ABCC8: variants seen among roughly 807,000 people sequenced by gnomAD.
ABCC8 encodes ATP-binding cassette sub-family C member 8.
ABCC8 carries 137 observed loss-of-function variants against 188.0 expected under a neutral mutation model. The observed-to-expected ratio is 0.73, with a 90% CI of 0.63 to 0.84. ABCC8 has a LOEUF of 0.84. Ranked by LOEUF, ABCC8 falls within the 40% of genes least tolerant of loss-of-function variation. The pLI, the probability that ABCC8 is intolerant of heterozygous loss-of-function variation, is 0.00. For missense variants in ABCC8, 1,750 were observed against 2,072.7 expected, an observed-to-expected ratio of 0.84 and a Z score of 3.02; for synonymous variants, 797 against 846.5, an observed-to-expected ratio of 0.94 and a Z score of 1.01.
chr11:17,397,867 C>A, intron 30 of ABCC8, 70 bp from the exon 31 acceptor site: 1 of 1,581,118 alleles, frequency 6.3e-7, no homozygotes, highest in Non-Finnish European at 8.6e-7. Flanking sequence ...TACCTCACTC[C>A]TTTTCGGGGC....
At chr11:17,469,707 A>G (rs1432782317) in intron 3 of ABCC8, among the ~76,000 whole-genome samples, 1 of 152,124 alleles carries the variant, frequency 6.6e-6, no homozygotes, top group Non-Finnish European at 1.5e-5. Flanking sequence ...CCACAGTGAC[A>G]TCTTTGCCAA....
At chr11:17,412,037 C>T (rs753020761) in intron 21 of ABCC8, among the ~76,000 whole-genome samples, 2 of 151,838 alleles carry the variant, frequency 1.3e-5, no homozygotes, top group African/African-American at 2.4e-5. Flanking sequence ...GGACTACAGG[C>T]GCCCGCCACC....
intron 2 of ABCC8, among the ~76,000 whole-genome samples, chr11:17,470,885 G>A (rs1848442688): frequency 6.6e-6 from 1 of 152,164 alleles, no homozygotes; most frequent in African/African-American, 2.4e-5. Flanking sequence ...GGCAGCCAGA[G>A]CCTCCTTCCA....
At chr11:17,473,991 C>T (rs1479589928) in intron 2 of ABCC8, among the ~76,000 whole-genome samples, 10 of 152,172 alleles carry the variant, frequency 6.6e-5, no homozygotes, top group Admixed American at 6.5e-4. Context: ...GCTCCCTAGC[C>T]CTACCTGCTT....
At chr11:17,456,400 C>T (rs1005820351) in intron 6 of ABCC8, among the ~76,000 whole-genome samples, 4 of 152,118 alleles carry the variant, frequency 2.6e-5, no homozygotes, top group African/African-American at 7.2e-5. Context: ...CCAGCACTCC[C>T]GACTCTACAG....
intron 12 of ABCC8, chr11:17,430,198 C>T (rs1383120438): frequency 6.2e-6 from 1 of 162,016 alleles, no homozygotes; most frequent in Non-Finnish European, 1.4e-5. Flanking sequence ...AAGCCTCAGC[C>T]TTCTACCTTC....
chr11:17,454,893 G>A (rs1956937874), intron 6 of ABCC8, among the ~76,000 whole-genome samples: 1 of 152,082 alleles, frequency 6.6e-6, no homozygotes, highest in African/African-American at 2.4e-5. Flanking sequence ...TGTGACTTGT[G>A]GGGGATGGAA....
chr11:17,392,607 T>C, downstream of ABCC8: 1 of 358,218 alleles, frequency 2.8e-6, no homozygotes, highest in Non-Finnish European at 5.4e-6. Flanking sequence ...AAGGCAGCCC[T>C]CTGCAAGCCA....
rs1954769855 is a variant in ABCC8 at position 17,410,732 on chromosome 11, T to C, written c.2557-79A>G. On this transcript the variant is annotated intron_variant, in intron 21 of 38. Coordinates refer to ENST00000389817, the MANE Select transcript of ABCC8 (RefSeq NM_000352.6). ...GGGGTGACAATGAGTATAAAACCCA[T>C]TAGAGTTCTATCAACTCTGCTCTAG... 1.9e-6 allele frequency: 3 copies of C among 1,592,366 alleles called. No homozygotes were observed. In the African/African-American group the frequency reaches 4.0e-5, roughly 21 times the overall value.
intron 10 of ABCC8, among the ~76,000 whole-genome samples, chr11:17,436,636 T>C (rs952033676): frequency 2.0e-5 from 3 of 152,236 alleles, no homozygotes; most frequent in East Asian, 3.8e-4. Flanking sequence ...AAGTGGATTA[T>C]AAAACCTTCT....
intron 28 of ABCC8, among the ~76,000 whole-genome samples, chr11:17,403,163 A>G (rs1306122634): frequency 6.6e-6 from 1 of 152,042 alleles, no homozygotes; most frequent in African/African-American, 2.4e-5. Context: ...AAAGCGTTCA[A>G]CCCCGTCTTC....
At position 17,437,091 on chromosome 11, in the gene ABCC8, CAAAAAAAAAAAAAA is replaced by C. The variant is rs71047551; in HGVS notation, c.1631-4861_1631-4848del. ...GGGCAACAAGAGTGAAACTCTGTCT[CAAAAAAAAAAAAAA>C]AAAAAAAAAAAAAGACTTATTCATT... On this transcript the variant is annotated intron_variant, in intron 10 of 38. Transcript: ENST00000389817. Among the ~76,000 whole-genome samples, 202 of 55,106 alleles carry C rather than the reference CAAAAAAAAAAAAAA, an allele frequency of 3.7e-3. 3 individuals carry two copies. The highest frequency in any genetic ancestry group is 0.013 in the African/African-American group (191 of 14,544). The allele number at this position is 55,106 out of a possible 152,430, so 36.2% of individuals were successfully genotyped here. A position where few individuals can be genotyped will look rare whatever the true frequency, so the allele number is the denominator to read the frequency against.
chr11:17,444,100 C>T (rs961430556), intron 8 of ABCC8, among the ~76,000 whole-genome samples: 2 of 152,154 alleles, frequency 1.3e-5, no homozygotes, highest in African/African-American at 4.8e-5. Context: ...ATTAAGCTTC[C>T]AGCACCGCCT....
intron 10 of ABCC8, among the ~76,000 whole-genome samples, chr11:17,434,984 C>CGCGTGTGTGTGTGTGT (rs71457876): frequency 0.014 from 2,080 of 144,692 alleles, 25 homozygotes; most frequent in Non-Finnish European, 0.024. Flanking sequence ...CGTGTGTTCG[C>CGCGTGTGTGTGTGTGT]GTGTGTGTGT....
intron 16 of ABCC8, among the ~76,000 whole-genome samples, chr11:17,425,778 T>G (rs575922228): frequency 6.6e-6 from 1 of 152,322 alleles, no homozygotes; most frequent in African/African-American, 2.4e-5. Context: ...GGTGGTTTGC[T>G]GCACCCATCA....
intron 29 of ABCC8, among the ~76,000 whole-genome samples, chr11:17,401,988 T>C (rs1333664964): frequency 1.3e-5 from 2 of 152,204 alleles, no homozygotes; most frequent in Non-Finnish European, 2.9e-5. Flanking sequence ...TGAATCCGCT[T>C]TTTTCAGAAT....
chr11:17,392,784 G>A, downstream of ABCC8: 1 of 641,714 alleles, frequency 1.6e-6, no homozygotes, highest in Non-Finnish European at 2.8e-6. Context: ...AAGGAAGCAG[G>A]CTTTTGCTCA....
chr11:17,401,979 G>C (rs934018925), intron 29 of ABCC8, among the ~76,000 whole-genome samples: 41 of 152,326 alleles, frequency 2.7e-4, no homozygotes, highest in Middle Eastern at 3.4e-3. Flanking sequence ...CACAGCCCTT[G>C]AATCCGCTTT....
At chr11:17,449,665 T>G (rs1368092475) in intron 7 of ABCC8, among the ~76,000 whole-genome samples, 1 of 152,256 alleles carries the variant, frequency 6.6e-6, no homozygotes, top group South Asian at 2.1e-4. Flanking sequence ...GGGTCTTAAA[T>G]GTCCTCAGGA....
Sources: allele counts gnomAD v4.1 joint callset (sites outside exome capture counted in the v4.1 genomes callset), GRCh38; gene constraint gnomAD v4.1.1; transcripts MANE v1.5; gene names NCBI Gene and HGNC (gene_info 2026-07-23, HGNC 2026-07-21).